The following SPTBN1 variants were observed in gnomAD, a reference collection of about 807,000 sequenced individuals.
SPTBN1 encodes spectrin beta, non-erythrocytic 1.
A neutral mutation model predicts 266.4 loss-of-function variants in SPTBN1; 32 were observed. The observed-to-expected ratio is 0.12, with a 90% confidence interval of 0.09 to 0.16. The LOEUF is 0.16. SPTBN1 is among the 10% of genes least tolerant of loss of function. SPTBN1 has a pLI of 1.00. For synonymous variants in SPTBN1, 1,336 were observed against 1,162.2 expected (o/e 1.15, Z -3.04); for missense variants, 2,296 against 3,067.1 (o/e 0.75, Z 5.94).
intron 2 of SPTBN1, among the ~76,000 whole-genome samples, chr2:54,550,779 G>T (rs1672521961): frequency 6.6e-6 from 1 of 152,166 alleles, no homozygotes; most frequent in Admixed American, 6.5e-5. Context: ...TAGTGTGTCT[G>T]ATTTCCTCAG....
At chr2:54,581,006 G>A (rs574328767) in intron 2 of SPTBN1, among the ~76,000 whole-genome samples, 5 of 152,094 alleles carry the variant, frequency 3.3e-5, no homozygotes, top group East Asian at 3.9e-4. Context: ...GCTGAGGCAC[G>A]AGAGTCGCTT....
At chr2:54,623,794 G>A (rs971479506) in intron 10 of SPTBN1, among the ~76,000 whole-genome samples, 198 bp downstream of exon 10, 4 of 152,336 alleles carry the variant, frequency 2.6e-5, no homozygotes, top group Admixed American at 6.5e-5. Flanking sequence ...GGAGGCTTCA[G>A]GGGGCAATGT....
intron 1 of SPTBN1, among the ~76,000 whole-genome samples, chr2:54,459,052 A>G (rs1413398352): frequency 6.6e-6 from 1 of 152,184 alleles, no homozygotes; most frequent in African/African-American, 2.4e-5. Flanking sequence ...TGTTGTTCCC[A>G]TGGATCATCC....
intron 2 of SPTBN1, among the ~76,000 whole-genome samples, chr2:54,581,885 T>C (rs1674937839): frequency 6.6e-6 from 1 of 152,214 alleles, no homozygotes; most frequent in Non-Finnish European, 1.5e-5. Flanking sequence ...TATTAATTAA[T>C]GGCTCTACTT....
Position 54,626,061 on chromosome 2 carries a change from G to A in SPTBN1, c.1471G>A (p.Glu491Lys). 1.2e-6 allele frequency: 2 copies of A among 1,614,188 alleles called. No individual in the cohort carries two copies. The highest frequency in any genetic ancestry group is 1.7e-6 in the Non-Finnish European group (2 of 1,180,048). ...VVAVARELEAENYHDIKRITA... is the reference protein window; with the variant it reads ...VVAVARELEAKNYHDIKRITA... ...AGCCGTGGCCAGGGAGCTCGAGGCC[G>A]AGAATTACCACGACATCAAGCGCAT... The change falls in exon 12 of 36, where the codon GAG (glutamate) becomes AAG (lysine). Residue 491 changes from glutamate (E) to lysine (K), a missense_variant. This residue lies in a region of SPTBN1 where 434 missense variants were observed against 573.9 expected (regional missense o/e 0.76). Coordinates refer to ENST00000356805, the MANE Select transcript of SPTBN1 (RefSeq NM_003128.3). This position sits in a 1 kb window ranked among gnomAD's most constrained non-coding sequence, Gnocchi z 4.7.
At position 54,520,976 on chromosome 2, in the gene SPTBN1, C is replaced by G. The variant is rs768183760; in HGVS notation, c.-47-5396C>G. On this transcript the variant is annotated intron_variant, in intron 1 of 35. Coordinates refer to ENST00000356805, the MANE Select transcript of SPTBN1 (RefSeq NM_003128.3). ...ACCACCAGGCAGAGTTCCAAGATGG[C>G]CAAGCCTTCCTCCCTTCTCTTCCTA... 1.1e-3 allele frequency among the ~76,000 whole-genome samples: 170 copies of G among 152,222 alleles called. No homozygotes were observed. In the Middle Eastern group the frequency reaches 0.02, roughly 18 times the overall value.
At chr2:54,462,684 A>G (rs1005795469) in intron 1 of SPTBN1, among the ~76,000 whole-genome samples, 2 of 152,234 alleles carry the variant, frequency 1.3e-5, no homozygotes, top group Non-Finnish European at 2.9e-5. Flanking sequence ...TATTTTATGT[A>G]CTATACACAG....
In SPTBN1 at chr2:54,558,668, C is replaced by A. The variant is rs1376929008; in HGVS notation, c.148+32102C>A. 322 of 1,495,144 alleles carry A rather than the reference C, an allele frequency of 2.2e-4. No individual in the cohort carries two copies. The highest frequency in any genetic ancestry group is 9.2e-4 in the East Asian group (37 of 40,116). 92.6% of individuals were successfully genotyped at this position (1,495,144 alleles called of 1,614,324 possible). A position where few individuals can be genotyped will look rare whatever the true frequency, so the allele number is the denominator to read the frequency against. Reference sequence around the variant, plus strand: ...GCTGGACTTGCAGACCGGAATGGGGCTCGCCTAAGGAGCCGAGCGCTGCGG... The same window carrying A: ...GCTGGACTTGCAGACCGGAATGGGGATCGCCTAAGGAGCCGAGCGCTGCGG... On this transcript the variant is annotated intron_variant, in intron 2 of 35. Transcript: ENST00000356805. The surrounding 1 kb of genome is among the most constrained non-coding windows in gnomAD (Gnocchi z 4.6).
chr2:54,587,468 G>A (rs1049610324), intron 2 of SPTBN1, among the ~76,000 whole-genome samples: 12 of 152,154 alleles, frequency 7.9e-5, no homozygotes, highest in Non-Finnish European at 1.6e-4. Context: ...AAGTTCTGCC[G>A]TTCTGTGTTG....
At position 54,646,441 on chromosome 2, in the gene SPTBN1, A is replaced by G; in HGVS notation, c.4832A>G (p.Gln1611Arg). 1 of 1,579,396 alleles carries G rather than the reference A, an allele frequency of 6.3e-7. No homozygotes were observed. The change falls in exon 23 of 36, where the codon CAG (glutamine) becomes CGG (arginine). Residue 1611 changes from glutamine (Q) to arginine (R), a missense_variant. Physicochemically the swap from Gln to Arg is conservative, Grantham distance 43 (BLOSUM62 1). This residue lies in a region of SPTBN1 where 644 missense variants were observed against 745.3 expected (regional missense o/e 0.86). Transcript: ENST00000356805. The surrounding 1 kb of genome is among the most constrained non-coding windows in gnomAD (Gnocchi z 4.4). The part of the protein sequence containing the change: ...AAEAEAWMSE[Q>R]ELYMMSEEKA... ...GAGGCCGAAGCCTGGATGAGCGAGC[A>G]GGAGCTGTACATGATGTCAGAGGAG...
At chr2:54,553,551 A>G (rs1344739754) in intron 2 of SPTBN1, among the ~76,000 whole-genome samples, 4 of 152,238 alleles carry the variant, frequency 2.6e-5, no homozygotes, top group African/African-American at 9.6e-5. Flanking sequence ...TGGTCATCCA[A>G]TGCCAAGGGA....
intron 3 of SPTBN1, among the ~76,000 whole-genome samples, chr2:54,603,540 C>A (rs1219262309): frequency 6.6e-6 from 1 of 152,164 alleles, no homozygotes; most frequent in Non-Finnish European, 1.5e-5. Flanking sequence ...TCAGCGCCTC[C>A]TTTCCCATGG....
intron 17 of SPTBN1, among the ~76,000 whole-genome samples, chr2:54,637,350 T>C (rs1558455282): frequency 6.6e-6 from 1 of 152,242 alleles, no homozygotes; most frequent in Non-Finnish European, 1.5e-5. Context: ...CACCCAGTTA[T>C]GAGCTTCTTG....
At chr2:54,496,855 A>G (rs1159015695) in intron 1 of SPTBN1, among the ~76,000 whole-genome samples, 2 of 152,204 alleles carry the variant, frequency 1.3e-5, no homozygotes, top group African/African-American at 2.4e-5. Flanking sequence ...AATTTATCCT[A>G]TGAAGATAAT....
chr2:54,661,770 A>G, intron 32 of SPTBN1: 1 of 985,418 alleles, frequency 1.0e-6, no homozygotes, highest in Non-Finnish European at 1.2e-6. Context: ...ATTTTGTATC[A>G]TCAGGACTGA....
chr2:54,524,958 T>A (rs539505875), intron 1 of SPTBN1, among the ~76,000 whole-genome samples: 36 of 149,566 alleles, frequency 2.4e-4, no homozygotes, highest in East Asian at 7.8e-4. Flanking sequence ...CATTTTTTTT[T>A]ATTTAAACTA....
At chr2:54,514,555 G>T (rs1454823185) in intron 1 of SPTBN1, among the ~76,000 whole-genome samples, 1 of 152,218 alleles carries the variant, frequency 6.6e-6, no homozygotes, top group Non-Finnish European at 1.5e-5. Flanking sequence ...GTTGTAGGAA[G>T]AAGATGGCTA....
chr2:54,620,419 G>A (rs901236660), intron 7 of SPTBN1, among the ~76,000 whole-genome samples: 5 of 152,200 alleles, frequency 3.3e-5, no homozygotes, highest in African/African-American at 4.8e-5. Context: ...TTCAGACAAA[G>A]GGAAGTCATA....
intron 1 of SPTBN1, among the ~76,000 whole-genome samples, chr2:54,518,101 T>C (rs1025672510): frequency 1.3e-5 from 2 of 152,302 alleles, no homozygotes; most frequent in Non-Finnish European, 1.5e-5. Context: ...TGTGTGTCTT[T>C]ATATTTATGA....
Sources: allele counts gnomAD v4.1 joint callset (sites outside exome capture counted in the v4.1 genomes callset), GRCh38; gene constraint gnomAD v4.1.1; regional missense constraint gnomAD v4.1.1; non-coding constraint Gnocchi (gnomAD v3.1); transcripts MANE v1.5; gene names NCBI Gene and HGNC (gene_info 2026-07-23, HGNC 2026-07-21).